The following ZBED2 variants were observed in gnomAD, a reference collection of about 807,000 sequenced individuals.
The protein encoded by ZBED2 is zinc finger BED domain-containing protein 2.
For missense variants in ZBED2, 285 were observed against 281.0 expected (o/e 1.01, Z -0.10); for synonymous variants, 97 against 98.8 (o/e 0.98, Z 0.11).
At chr3:111,595,192 C>A (rs1021043752) in intron 1 of ZBED2, 108 bp downstream of exon 1, 1 of 154,950 alleles carries the variant, frequency 6.5e-6, no homozygotes, top group African/African-American at 2.4e-5. Flanking sequence ...AGCCCGACTT[C>A]TCTCTCCTTT....
Position 111,594,094 on chromosome 3 carries a change from G to A in ZBED2, c.108C>T (p.Gly36=). 5.0e-6 allele frequency: 8 copies of A among 1,614,182 alleles called. No individual in the cohort carries two copies. The highest frequency in any genetic ancestry group is 2.2e-5 in the East Asian group (1 of 44,870). The change falls in exon 2 of 2, where the codon GGC becomes GGT. Residue 36 remains glycine, a synonymous_variant. Coordinates refer to ENST00000317012, the MANE Select transcript of ZBED2 (RefSeq NM_024508.5). ...EEISETGELV[G]PFVSAMPTPM... is the part of the protein sequence containing the mutation. ...GAGTGGGCATAGCACTCACAAAAGG[G>A]CCAACCAGTTCTCCTGTCTCACTAA...
chr3:111,593,725 C>A lies in ZBED2; in HGVS notation c.477G>T (p.Glu159Asp), dbSNP rs1404452656. ...CCACTGCCCTTTCCCTCCTAAGCAC[C>A]TCCTTTTCCCTTTGGCTGGCCCACA... ...MALWASQREKEVLRRERAVEW... is the reference protein window; with the variant it reads ...MALWASQREKDVLRRERAVEW... Residue 159 changes from glutamate to aspartate, a missense_variant, in exon 2 of 2, where the codon GAG becomes GAT. By Grantham distance (45) the Glu-to-Asp change is conservative. Coordinates refer to ENST00000317012, the MANE Select transcript of ZBED2 (RefSeq NM_024508.5). 6.2e-7 allele frequency: 1 copy of A among 1,614,088 alleles called. No homozygotes were observed. The highest frequency in any genetic ancestry group is 8.5e-7 in the Non-Finnish European group (1 of 1,180,042).
rs949974768 is a variant in ZBED2 at position 111,595,083 on chromosome 3, C to G, written c.-865-17G>C. 4 of 167,022 alleles carry G rather than the reference C, an allele frequency of 2.4e-5. No individual in the cohort carries two copies. The highest frequency in any genetic ancestry group is 5.9e-5 in the Non-Finnish European group (4 of 68,138). 10.3% of individuals were successfully genotyped at this position (167,022 alleles called of 1,614,324 possible). Reference sequence around the variant, plus strand: ...CAGGATCACCTGCAAAGCCAACAGCCAATAAGACCTTCCTGAGGCAACTTA... The same window carrying G: ...CAGGATCACCTGCAAAGCCAACAGCGAATAAGACCTTCCTGAGGCAACTTA... On this transcript the variant is annotated splice_polypyrimidine_tract_variant and intron_variant, in intron 1 of 1. Transcript: ENST00000317012.
rs994076265 is a variant in ZBED2, at chr3:111,593,956, G to A, written c.246C>T (p.Gly82=). Residue 82 remains glycine (G), a synonymous_variant, in exon 2 of 2, where the codon GGC becomes GGT. Transcript: ENST00000317012. ...CCCCAGGGCCACGGCTCACCTGCCT[G>A]CCACACAGGCGGCAGGTGGCATACT... ...PNQYATCRLC[G]RQVSRGPGVN... 3 of 1,614,092 alleles carry A rather than the reference G, an allele frequency of 1.9e-6. No individual in the cohort carries two copies. The highest frequency in any genetic ancestry group is 3.3e-5 in the Admixed American group (2 of 60,032).
At position 111,594,107 on chromosome 3, in the gene ZBED2, C is replaced by T; in HGVS notation, c.95G>A (p.Gly32Glu). ...MKEEEEISET[G>E]ELVGPFVSAM... The stretch of plus-strand genomic sequence containing the variant: ...ACTCACAAAAGGGCCAACCAGTTCT[C>T]CTGTCTCACTAATCTCTTCCTCCTC... Residue 32 changes from glycine to glutamate, a missense_variant, in exon 2 of 2, where the codon GGA becomes GAA. Coordinates refer to ENST00000317012, the MANE Select transcript of ZBED2 (RefSeq NM_024508.5). 4 of 1,614,014 alleles carry T rather than the reference C, an allele frequency of 2.5e-6. No homozygotes were observed. The highest frequency in any genetic ancestry group is 3.4e-6 in the Non-Finnish European group (4 of 1,179,880).
chr3:111,594,405 A>T lies in ZBED2; in HGVS notation c.-204T>A, dbSNP rs1356263396. 1.3e-5 allele frequency: 7 copies of T among 550,854 alleles called. No individual in the cohort carries two copies. The highest frequency in any genetic ancestry group is 1.9e-5 in the Non-Finnish European group (6 of 311,934). The allele number at this position is 550,854 out of a possible 1,614,324, so 34.1% of individuals were successfully genotyped here. On this transcript the variant is annotated 5_prime_UTR_variant, in exon 2 of 2. The change creates a new upstream start codon in the 5' untranslated region. Coordinates refer to ENST00000317012, the MANE Select transcript of ZBED2 (RefSeq NM_024508.5). Reference sequence around the variant, plus strand: ...GAGAGTCAGGGGTGAGTCAGATACAAGCAAAACAGCCCAAGAGTGCATTCC... The same window carrying T: ...GAGAGTCAGGGGTGAGTCAGATACATGCAAAACAGCCCAAGAGTGCATTCC...
chr3:111,593,508 G>T lies in ZBED2; in HGVS notation c.*37C>A. The T allele has an allele frequency of 6.6e-7, 1 of 1,507,328 alleles. No homozygotes were observed. The allele number at this position is 1,507,328 out of a possible 1,614,324, so 93.4% of individuals were successfully genotyped here. On this transcript the variant is annotated 3_prime_UTR_variant, in exon 2 of 2. Coordinates refer to ENST00000317012, the MANE Select transcript of ZBED2 (RefSeq NM_024508.5). Reference sequence around the variant, plus strand: ...AAAATGGCTCTTTTCTACAAGTCTAGAGTCAATGTTTTCAGAATAGATTCT... The same window carrying T: ...AAAATGGCTCTTTTCTACAAGTCTATAGTCAATGTTTTCAGAATAGATTCT...
chr3:111,594,264 C>T lies in ZBED2; in HGVS notation c.-63G>A. On this transcript the variant is annotated 5_prime_UTR_variant, in exon 2 of 2. Transcript: ENST00000317012. Reference sequence around the variant, plus strand: ...ATGTGAGCCAAAAGCTTATTTGAACCACAAGATTAAATATATATTTGGGAA... The same window carrying T: ...ATGTGAGCCAAAAGCTTATTTGAACTACAAGATTAAATATATATTTGGGAA... 2 of 1,499,840 alleles carry T rather than the reference C, an allele frequency of 1.3e-6. No homozygotes were observed. The highest frequency in any genetic ancestry group is 1.8e-6 in the Non-Finnish European group (2 of 1,118,032). 92.9% of individuals were successfully genotyped at this position (1,499,840 alleles called of 1,614,324 possible). A position where few individuals can be genotyped will look rare whatever the true frequency, so the allele number is the denominator to read the frequency against.
chr3:111,593,170 C>A lies in ZBED2; in HGVS notation c.*375G>T. ...ACATAGGCACATTCCAGCTACCTAA[C>A]CAGCCTCAGCCCTCAAAATCGTCAG... On this transcript the variant is annotated 3_prime_UTR_variant, in exon 2 of 2. Transcript: ENST00000317012. The A allele has an allele frequency of 1.8e-5, 3 of 169,998 alleles. No homozygotes were observed. The highest frequency in any genetic ancestry group is 1.7e-4 in the South Asian group (1 of 5,786). The allele number at this position is 169,998 out of a possible 1,614,324, so 10.5% of individuals were successfully genotyped here.
Position 111,594,074 on chromosome 3 carries a change from G to A in ZBED2, c.128C>T (p.Pro43Leu), listed in dbSNP as rs775158420. The stretch of plus-strand genomic sequence containing the variant: ...GCCCTTGTTGTGGGGCATTGGAGTG[G>A]GCATAGCACTCACAAAAGGGCCAAC... Reference protein sequence around the residue: ...ELVGPFVSAMPTPMPHNKGTR... With the variant: ...ELVGPFVSAMLTPMPHNKGTR... Residue 43 changes from proline to leucine, a missense_variant, in exon 2 of 2, where the codon CCC becomes CTC. Physicochemically the swap from Pro to Leu is moderately conservative, Grantham distance 98. Coordinates refer to ENST00000317012, the MANE Select transcript of ZBED2 (RefSeq NM_024508.5). The A allele has an allele frequency of 3.7e-5, 59 of 1,613,962 alleles. No individual in the cohort carries two copies. Among genetic ancestry groups the A allele is most frequent in the Admixed American group, 3.3e-5 (2 of 59,982 alleles).
Position 111,593,449 on chromosome 3 carries a change from C to A in ZBED2, c.*96G>T. The stretch of plus-strand genomic sequence containing the variant: ...TATTTCACATAAAAGCAAAATGTCA[C>A]CAAACTACTTTGCTTTACATTTGAG... On this transcript the variant is annotated 3_prime_UTR_variant, in exon 2 of 2. Transcript: ENST00000317012. 1.4e-6 allele frequency: 2 copies of A among 1,433,096 alleles called. No individual in the cohort carries two copies. Among genetic ancestry groups the A allele is most frequent in the Non-Finnish European group, 1.8e-6 (2 of 1,084,870 alleles). The allele number at this position is 1,433,096 out of a possible 1,614,324, so 88.8% of individuals were successfully genotyped here. A position where few individuals can be genotyped will look rare whatever the true frequency, so the allele number is the denominator to read the frequency against.
Position 111,593,977 on chromosome 3 carries a change from A to C in ZBED2, c.225T>G (p.Tyr75Ter). 6.2e-7 allele frequency: 1 copy of C among 1,614,112 alleles called. No homozygotes were observed. Among genetic ancestry groups the C allele is most frequent in the Middle Eastern group, 1.6e-4 (1 of 6,062 alleles). The change falls in exon 2 of 2, where the codon TAT becomes TAG. Residue 75 changes from tyrosine to a stop codon, truncating the protein, a stop_gained. Transcript: ENST00000317012. LOFTEE classifies it low-confidence loss of function (END_TRUNC). Reference protein sequence around the residue: ...PARAGHHPNQYATCRLCGRQV... With the variant: ...PARAGHHPNQ Reference sequence around the variant, plus strand: ...GCCTGCCACACAGGCGGCAGGTGGCATACTGGTTGGGATGGTGCCCAGCAC... The same window carrying C: ...GCCTGCCACACAGGCGGCAGGTGGCCTACTGGTTGGGATGGTGCCCAGCAC...
rs1937129654 is a variant in ZBED2 at position 111,594,000 on chromosome 3, C to A, written c.202G>T (p.Ala68Ser). 1 of 1,614,170 alleles carries A rather than the reference C, an allele frequency of 6.2e-7. No individual in the cohort carries two copies. Among genetic ancestry groups the A allele is most frequent in the African/African-American group, 1.3e-5 (1 of 75,040 alleles). The change falls in exon 2 of 2, where the codon GCT (alanine) becomes TCT (serine). Residue 68 changes from alanine (A) to serine (S), a missense_variant. By Grantham distance (99) the Ala-to-Ser change is moderately conservative (BLOSUM62 1). Transcript: ENST00000317012. ...WEYFHLAPAR[A>S]GHHPNQYATC... ...GCATACTGGTTGGGATGGTGCCCAG[C>A]ACGAGCAGGAGCTAGGTGGAAATAT...
In ZBED2 at chr3:111,593,703, C is replaced by T. The variant is rs764516611; in HGVS notation, c.499G>A (p.Val167Met). 3 of 1,614,060 alleles carry T rather than the reference C, an allele frequency of 1.9e-6. No homozygotes were observed. In the South Asian group the frequency reaches 3.3e-5, roughly 18 times the overall value. ...EKEVLRRERA[V>M]EWRERAVEKR... is the part of the protein sequence containing the mutation. ...TCCACAGCCCTCTCCCGCCATTCCA[C>T]TGCCCTTTCCCTCCTAAGCACCTCC... The change falls in exon 2 of 2, where the codon GTG becomes ATG. Residue 167 changes from valine to methionine, a missense_variant. Physicochemically the swap from Val to Met is conservative, Grantham distance 21. Coordinates refer to ENST00000317012, the MANE Select transcript of ZBED2 (RefSeq NM_024508.5).
In ZBED2 at chr3:111,594,257, T is replaced by C; in HGVS notation, c.-56A>G. The C allele has an allele frequency of 6.6e-7, 1 of 1,509,736 alleles. No individual in the cohort carries two copies. Among genetic ancestry groups the C allele is most frequent in the Non-Finnish European group, 8.9e-7 (1 of 1,126,458 alleles). 93.5% of individuals were successfully genotyped at this position (1,509,736 alleles called of 1,614,324 possible). A position where few individuals can be genotyped will look rare whatever the true frequency, so the allele number is the denominator to read the frequency against. On this transcript the variant is annotated 5_prime_UTR_variant, in exon 2 of 2. Transcript: ENST00000317012. ...TGCTTAGATGTGAGCCAAAAGCTTA[T>C]TTGAACCACAAGATTAAATATATAT...
Position 111,593,637 on chromosome 3 carries a change from G to C in ZBED2, c.565C>G (p.Leu189Val), listed in dbSNP as rs1937101415. ...GCCCTCACCTTCCACTTCATCTCCA[G>C]GATGGCCCTTTCCACCTCCTCCAGG... The part of the protein sequence containing the change: ...RALEEVERAI[L>V]EMKWKVRAEK... The change falls in exon 2 of 2, where the codon CTG (leucine) becomes GTG (valine). Residue 189 changes from leucine (L) to valine (V), a missense_variant. Leu to Val is a conservative substitution (Grantham distance 32, BLOSUM62 1). Coordinates refer to ENST00000317012, the MANE Select transcript of ZBED2 (RefSeq NM_024508.5). The C allele has an allele frequency of 1.2e-6, 2 of 1,602,546 alleles. No homozygotes were observed. Among genetic ancestry groups the C allele is most frequent in the Non-Finnish European group, 1.7e-6 (2 of 1,173,000 alleles).
chr3:111,593,489 G>C lies in ZBED2; in HGVS notation c.*56C>G. 6.7e-7 allele frequency: 1 copy of C among 1,496,152 alleles called. No individual in the cohort carries two copies. The highest frequency in any genetic ancestry group is 8.9e-7 in the Non-Finnish European group (1 of 1,123,778). The allele number at this position is 1,496,152 out of a possible 1,614,324, so 92.7% of individuals were successfully genotyped here. A position where few individuals can be genotyped will look rare whatever the true frequency, so the allele number is the denominator to read the frequency against. On this transcript the variant is annotated 3_prime_UTR_variant, in exon 2 of 2. Transcript: ENST00000317012. ...TTACATTTGAGTTGAAACTAAAATG[G>C]CTCTTTTCTACAAGTCTAGAGTCAA...
Position 111,594,117 on chromosome 3 carries a change from T to TA in ZBED2, c.84dup (p.Ser29Ter), listed in dbSNP as rs754117104. Reference sequence around the variant, plus strand: ...GGGCCAACCAGTTCTCCTGTCTCACTAATCTCTTCCTCCTCCTTCATCTCT... The same window carrying TA: ...GGGCCAACCAGTTCTCCTGTCTCACTAAATCTCTTCCTCCTCCTTCATCTCT... On this transcript the variant is annotated frameshift_variant, in exon 2 of 2. Transcript: ENST00000317012. LOFTEE classifies it low-confidence loss of function (END_TRUNC). The TA allele has an allele frequency of 3.7e-6, 6 of 1,614,082 alleles. No homozygotes were observed. The highest frequency in any genetic ancestry group is 5.1e-6 in the Non-Finnish European group (6 of 1,180,032).
chr3:111,593,942 C>T lies in ZBED2; in HGVS notation c.260G>A (p.Arg87His), dbSNP rs758268672. ...TCRLCGRQVSRGPGVNVGTTA... is the reference protein window; with the variant it reads ...TCRLCGRQVSHGPGVNVGTTA... ...GGTGCCCACGTTGACCCCAGGGCCA[C>T]GGCTCACCTGCCTGCCACACAGGCG... Residue 87 changes from arginine (R) to histidine (H), a missense_variant, in exon 2 of 2, where the codon CGT (arginine) becomes CAT (histidine). By Grantham distance (29) the Arg-to-His change is conservative. Transcript: ENST00000317012. 1.9e-5 allele frequency: 31 copies of T among 1,613,836 alleles called. No homozygotes were observed. The East Asian group carries it at 2.7e-4, about 14-fold the overall frequency.
Sources: allele counts gnomAD v4.1 joint callset, GRCh38; gene constraint gnomAD v4.1.1; transcripts MANE v1.5; gene names NCBI Gene and HGNC (gene_info 2026-07-23, HGNC 2026-07-21).